GLRA3: variants seen among roughly 807,000 people sequenced by gnomAD.
GLRA3 encodes glycine receptor alpha 3, also known as glycine receptor subunit alpha-3.
A neutral mutation model predicts 60.4 loss-of-function variants in GLRA3; 44 were observed. That is an observed-to-expected ratio of 0.73 (90% CI 0.57 to 0.94). GLRA3 has a LOEUF of 0.94. GLRA3 is among the 40% of genes least tolerant of loss of function. The probability of loss-of-function intolerance (pLI) is 0.00; values close to 1 mark genes in which losing one functional copy is unlikely to be tolerated. For synonymous variants in GLRA3, 223 were observed against 192.9 expected (o/e 1.16, Z -1.29); for missense variants, 508 against 564.6 (o/e 0.90, Z 1.02).
intron 3 of GLRA3, among the ~76,000 whole-genome samples, chr4:174,746,264 T>C (rs1737242069): frequency 6.6e-6 from 1 of 152,124 alleles, no homozygotes; most frequent in South Asian, 2.1e-4. Flanking sequence ...AACAGGTGAA[T>C]GAGTAAAGAA....
At chr4:174,682,445 A>T (rs1453790943) in intron 6 of GLRA3, among the ~76,000 whole-genome samples, 2 of 152,228 alleles carry the variant, frequency 1.3e-5, no homozygotes, top group African/African-American at 4.8e-5. Context: ...TTTAAAAAAA[A>T]ATGTTCTTAA....
At chr4:174,787,489 G>T (rs919165658) in intron 2 of GLRA3, among the ~76,000 whole-genome samples, 2 of 151,472 alleles carry the variant, frequency 1.3e-5, no homozygotes, top group Admixed American at 6.6e-5. Context: ...ATTTTCATTT[G>T]TATATTGTAC....
chr4:174,679,113 T>C (rs1042719433), intron 6 of GLRA3, among the ~76,000 whole-genome samples: 3 of 151,948 alleles, frequency 2.0e-5, no homozygotes, highest in East Asian at 1.9e-4. Flanking sequence ...GGGAGAATCA[T>C]GAGGTCAGGA....
At chr4:174,801,102 C>A (rs1431023211) in intron 1 of GLRA3, among the ~76,000 whole-genome samples, 1 of 152,016 alleles carries the variant, frequency 6.6e-6, no homozygotes, top group Non-Finnish European at 1.5e-5. Flanking sequence ...ATATTTTCAA[C>A]TCAGGATATT....
intron 2 of GLRA3, 135 bp downstream of exon 2, chr4:174,788,681 C>A: frequency 1.3e-5 from 5 of 385,356 alleles, no homozygotes; most frequent in South Asian, 1.4e-4. Context: ...TTTTTCAAGA[C>A]ACCTTGGTGA....
At chr4:174,669,684 T>C (rs552133554) in intron 7 of GLRA3, among the ~76,000 whole-genome samples, 151 of 152,266 alleles carry the variant, frequency 9.9e-4, no homozygotes, top group African/African-American at 3.5e-3. Context: ...CAAGCAATTC[T>C]CCTGCCTCAG....
intron 2 of GLRA3, among the ~76,000 whole-genome samples, chr4:174,779,938 G>A (rs1048877909): frequency 2.2e-4 from 33 of 150,228 alleles, no homozygotes; most frequent in Admixed American, 1.0e-3. Context: ...GCAGGCCAAC[G>A]TTCAGATTCA....
chr4:174,715,627 A>G (rs1735890192), intron 4 of GLRA3, 57 bp from the exon 5 acceptor site: 1 of 797,394 alleles, frequency 1.3e-6, no homozygotes, highest in African/African-American at 1.7e-5. Context: ...TTAATATTCT[A>G]TTGTACAGGA....
chr4:174,689,576 C>A (rs572735760), intron 5 of GLRA3, among the ~76,000 whole-genome samples: 1 of 151,708 alleles, frequency 6.6e-6, no homozygotes, highest in African/African-American at 2.4e-5. Flanking sequence ...CCTCTTCCCA[C>A]CCTGTCAGCC....
chr4:174,753,446 T>C (rs1397667331), intron 3 of GLRA3, among the ~76,000 whole-genome samples: 3 of 152,202 alleles, frequency 2.0e-5, no homozygotes, highest in Admixed American at 1.3e-4. Flanking sequence ...AAGTAACACA[T>C]TATGACTAGT....
chr4:174,711,026 T>C (rs1735700306), intron 5 of GLRA3, among the ~76,000 whole-genome samples: 1 of 152,104 alleles, frequency 6.6e-6, no homozygotes, highest in African/African-American at 2.4e-5. Flanking sequence ...ATTTTCACTT[T>C]AATCAAATAG....
chr4:174,778,875 G>A (rs891154579), intron 2 of GLRA3, among the ~76,000 whole-genome samples: 3 of 152,234 alleles, frequency 2.0e-5, no homozygotes, highest in African/African-American at 7.2e-5. Context: ...AAACTGCAAG[G>A]CGGCAGTGAG....
intron 1 of GLRA3, among the ~76,000 whole-genome samples, chr4:174,811,174 C>A (rs922297851): frequency 6.9e-6 from 1 of 145,752 alleles, no homozygotes; most frequent in Non-Finnish European, 1.5e-5. Context: ...GCACAAGGTA[C>A]TTCCCCGCCT....
intron 3 of GLRA3, among the ~76,000 whole-genome samples, chr4:174,761,166 C>G (rs1220060736): frequency 6.6e-6 from 1 of 151,186 alleles, no homozygotes; most frequent in Non-Finnish European, 1.5e-5. Flanking sequence ...ATGCCTGTAA[C>G]TTTTTTTTAA....
At chr4:174,787,127 T>C (rs954298575) in intron 2 of GLRA3, among the ~76,000 whole-genome samples, 3 of 152,154 alleles carry the variant, frequency 2.0e-5, no homozygotes, top group East Asian at 3.8e-4. Context: ...CACTAAACTT[T>C]CCAAGAGAAT....
rs1376263468 is a variant in GLRA3, at chr4:174,639,598, T to C, written c.*4188A>G. 6.6e-6 allele frequency: 1 copy of C among 152,124 alleles called. No individual in the cohort carries two copies. The highest frequency in any genetic ancestry group is 1.5e-5 in the Non-Finnish European group (1 of 68,006). The allele number at this position is 152,124 out of a possible 1,614,324, so 9.4% of individuals were successfully genotyped here. A position where few individuals can be genotyped will look rare whatever the true frequency, so the allele number is the denominator to read the frequency against. On this transcript the variant is annotated 3_prime_UTR_variant, in exon 10 of 10. Transcript: ENST00000274093. ...GTTCCGTTTAAATTGTAGAGAGTTA[T>C]ATTTTACACATGGCCTATAAGTATC... is the stretch of plus-strand genomic sequence containing the variant.
At chr4:174,745,107 T>C (rs1469853258) in intron 3 of GLRA3, among the ~76,000 whole-genome samples, 6 of 151,418 alleles carry the variant, frequency 4.0e-5, no homozygotes, top group Non-Finnish European at 4.4e-5. Flanking sequence ...CAGGGAAAAA[T>C]AAAGAAAAAA....
chr4:174,643,630 C>G lies in GLRA3; in HGVS notation c.*156G>C. The G allele has an allele frequency of 1.4e-6, 2 of 1,385,524 alleles. No individual in the cohort carries two copies. The highest frequency in any genetic ancestry group is 1.9e-6 in the Non-Finnish European group (2 of 1,067,808). The allele number at this position is 1,385,524 out of a possible 1,614,324, so 85.8% of individuals were successfully genotyped here. On this transcript the variant is annotated 3_prime_UTR_variant, in exon 10 of 10. Coordinates refer to ENST00000274093, the MANE Select transcript of GLRA3 (RefSeq NM_006529.4). ...TAAAAGAATCTCATCTTTCTCATGA[C>G]TTTGCATAGCTAACCAAAATACAAA... is the stretch of plus-strand genomic sequence containing the variant.
At chr4:174,822,512 C>T (rs184078157) in intron 1 of GLRA3, among the ~76,000 whole-genome samples, 29 of 152,250 alleles carry the variant, frequency 1.9e-4, no homozygotes, top group Admixed American at 1.9e-3. Context: ...TATTTTCCTT[C>T]TGAGTAAACA....
Sources: gnomAD v4.1 joint callset for allele counts (sites outside exome capture counted in the v4.1 genomes callset) on GRCh38, gnomAD v4.1.1 for gene constraint, MANE v1.5 for transcripts, NCBI Gene and HGNC (gene_info 2026-07-23, HGNC 2026-07-21) for gene names.